AUTS2: variants seen among roughly 807,000 people sequenced by gnomAD.
AUTS2 encodes the protein activator of transcription and developmental regulator AUTS2, also known as autism susceptibility gene 2 protein.
A neutral mutation model predicts 112.4 loss-of-function variants in AUTS2; 17 were observed. The ratio of observed to expected loss-of-function variants is 0.15; its 90% CI spans 0.10 to 0.23. The LOEUF (loss-of-function observed/expected upper bound fraction) is 0.23, where lower values mean the gene tolerates loss of function less well. AUTS2 is among the 10% of genes least tolerant of loss of function. The probability of loss-of-function intolerance (pLI) is 1.00; values close to 1 mark genes in which losing one functional copy is unlikely to be tolerated. For missense variants in AUTS2, 1,510 were observed against 1,701.6 expected (o/e 0.89, Z 1.98); for synonymous variants, 751 against 702.7 (o/e 1.07, Z -1.09).
intron 5 of AUTS2, among the ~76,000 whole-genome samples, chr7:70,468,684 A>G (rs1251114920): frequency 6.6e-6 from 1 of 152,176 alleles, no homozygotes; most frequent in East Asian, 1.9e-4. Context: ...CAGGTGCTCT[A>G]CAGGATCCTA....
At chr7:70,366,180 T>C (rs1309264450) in intron 4 of AUTS2, among the ~76,000 whole-genome samples, 3 of 152,234 alleles carry the variant, frequency 2.0e-5, no homozygotes, top group African/African-American at 7.2e-5. Context: ...TATTTGCCTC[T>C]GAGTCTTTTC....
intron 6 of AUTS2, among the ~76,000 whole-genome samples, chr7:70,762,334 G>A (rs538132752): frequency 1.7e-4 from 26 of 151,956 alleles, no homozygotes; most frequent in Non-Finnish European, 7.4e-5. Flanking sequence ...ACAGAGTCTC[G>A]CTACGTTGCC....
intron 1 of AUTS2, among the ~76,000 whole-genome samples, chr7:69,836,526 A>AT (rs1374164856): frequency 6.6e-6 from 1 of 151,934 alleles, no homozygotes; most frequent in Admixed American, 6.6e-5. Flanking sequence ...TTGTGTGGTG[A>AT]TTTTTTTTCT....
chr7:70,758,069 G>A (rs989316090), intron 6 of AUTS2, among the ~76,000 whole-genome samples: 1 of 151,960 alleles, frequency 6.6e-6, no homozygotes, highest in Non-Finnish European at 1.5e-5. Context: ...GGCGTGAGCC[G>A]CTGCGCCCAG....
intron 4 of AUTS2, among the ~76,000 whole-genome samples, chr7:70,173,382 G>GAGAA (rs1808811378): frequency 6.6e-6 from 1 of 151,388 alleles, no homozygotes; most frequent in Non-Finnish European, 1.5e-5. Flanking sequence ...AAAAGAAAGA[G>GAGAA]AGAAAGAAAA....
At chr7:70,536,074 T>C (rs1800303441) in intron 5 of AUTS2, among the ~76,000 whole-genome samples, 1 of 152,150 alleles carries the variant, frequency 6.6e-6, no homozygotes, top group Admixed American at 6.5e-5. Flanking sequence ...ACCCCTGTAA[T>C]ACCAGCAATT....
intron 1 of AUTS2, among the ~76,000 whole-genome samples, chr7:69,774,939 A>G (rs993863242): frequency 2.0e-5 from 3 of 152,226 alleles, no homozygotes; most frequent in African/African-American, 7.2e-5. Context: ...ATCTGTTAGC[A>G]ATCTGTGTAA....
At chr7:70,724,116 T>A (rs1361997387) in intron 6 of AUTS2, among the ~76,000 whole-genome samples, 4 of 152,200 alleles carry the variant, frequency 2.6e-5, no homozygotes, top group African/African-American at 9.6e-5. Context: ...GGTCTCAAAC[T>A]CCTAGCCTCA....
chr7:70,031,999 C>T (rs1563053104), intron 2 of AUTS2, among the ~76,000 whole-genome samples: 1 of 152,102 alleles, frequency 6.6e-6, no homozygotes, highest in Non-Finnish European at 1.5e-5. Flanking sequence ...TGAAGTGAAG[C>T]ACATTTTCCC....
intron 2 of AUTS2, among the ~76,000 whole-genome samples, chr7:69,996,972 C>A (rs2129552207): frequency 1.3e-5 from 1 of 79,348 alleles, no homozygotes; most frequent in Admixed American, 1.1e-4. Flanking sequence ...AAAGCAAACT[C>A]CAGGCTCAAT....
intron 5 of AUTS2, among the ~76,000 whole-genome samples, chr7:70,676,157 T>C (rs1456826255): frequency 6.6e-6 from 1 of 152,174 alleles, no homozygotes; most frequent in Non-Finnish European, 1.5e-5. Flanking sequence ...GAATAAGATA[T>C]AGGCCAGATG....
intron 4 of AUTS2, among the ~76,000 whole-genome samples, chr7:70,364,148 A>T (rs1385698633): frequency 6.6e-6 from 1 of 152,118 alleles, no homozygotes; most frequent in Non-Finnish European, 1.5e-5. Flanking sequence ...TATCACGTTG[A>T]TATGGAAGGA....
chr7:69,931,981 C>T (rs754334366), intron 2 of AUTS2, among the ~76,000 whole-genome samples: 1 of 152,164 alleles, frequency 6.6e-6, no homozygotes, highest in Non-Finnish European at 1.5e-5. Context: ...ATCTCTTCCT[C>T]ACAAAATATG....
chr7:69,956,001 C>CT, intron 2 of AUTS2, among the ~76,000 whole-genome samples: 1 of 152,280 alleles, frequency 6.6e-6, no homozygotes, highest in Non-Finnish European at 1.5e-5. Flanking sequence ...CATAGCCCCA[C>CT]TTTTTAGGTA....
At chr7:70,246,583 A>G (rs765713993) in intron 4 of AUTS2, among the ~76,000 whole-genome samples, 6 of 152,180 alleles carry the variant, frequency 3.9e-5, no homozygotes, top group African/African-American at 1.2e-4. Context: ...ACACTGTTGA[A>G]ATTATTACAA....
chr7:70,728,757 G>A (rs1787184490), intron 6 of AUTS2, among the ~76,000 whole-genome samples: 1 of 150,094 alleles, frequency 6.7e-6, no homozygotes, highest in Non-Finnish European at 1.5e-5. Context: ...CACCGTGCAA[G>A]TTGTGCCTTT....
chr7:70,776,900 G>C (rs1008074588), intron 13 of AUTS2: 3 of 614,536 alleles, frequency 4.9e-6, no homozygotes, highest in Non-Finnish European at 8.7e-6. Context: ...AAACCCACGT[G>C]GGGAGAGAGG....
chr7:70,377,029 T>C (rs1404708361), intron 4 of AUTS2, among the ~76,000 whole-genome samples: 4 of 151,798 alleles, frequency 2.6e-5, no homozygotes, highest in Admixed American at 1.3e-4. Flanking sequence ...TGTGGCTTCA[T>C]TGATGCCTGT....
At chr7:69,847,574 A>G (rs755386246) in intron 1 of AUTS2, among the ~76,000 whole-genome samples, 2 of 152,018 alleles carry the variant, frequency 1.3e-5, no homozygotes, top group Non-Finnish European at 2.9e-5. Context: ...CCTGACCTAC[A>G]TTTTTTTCCT....
Sources: allele counts gnomAD v4.1 joint callset (sites outside exome capture counted in the v4.1 genomes callset), GRCh38; gene constraint gnomAD v4.1.1; transcripts MANE v1.5; gene names NCBI Gene and HGNC (gene_info 2026-07-23, HGNC 2026-07-21).